The following HEMK2 variants were observed in gnomAD, a reference collection of about 807,000 sequenced individuals.
HEMK2 encodes methyltransferase HEMK2.
chr21:28,579,035 A>G, the HEMK2 span, among the ~76,000 whole-genome samples: 1 of 152,208 alleles, frequency 6.6e-6, no homozygotes, highest in African/African-American at 2.4e-5. Flanking sequence ...AGGTTATCAG[A>G]TTCTATTGAA....
the HEMK2 span, among the ~76,000 whole-genome samples, chr21:28,605,590 T>C: frequency 1.3e-5 from 2 of 152,222 alleles, no homozygotes; most frequent in African/African-American, 4.8e-5. Context: ...TTGTTCAATA[T>C]GAAAACCATA....
At chr21:28,605,531 AAGTC>A in the HEMK2 span, among the ~76,000 whole-genome samples, 1 of 152,200 alleles carries the variant, frequency 6.6e-6, no homozygotes, top group Admixed American at 6.5e-5. Flanking sequence ...TTTTTTAACT[AAGTC>A]AGTTTTTCAG....
At chr21:28,854,646 T>TG in the HEMK2 span, among the ~76,000 whole-genome samples, 4 of 152,222 alleles carry the variant, frequency 2.6e-5, no homozygotes, top group East Asian at 7.7e-4. Context: ...CTGAAGAACT[T>TG]GGAGTCCAAT....
chr21:28,593,389 C>T, the HEMK2 span, among the ~76,000 whole-genome samples: 46 of 152,146 alleles, frequency 3.0e-4, no homozygotes, highest in African/African-American at 1.1e-3. Context: ...ATAAGATACT[C>T]AACCTGTATA....
the HEMK2 span, among the ~76,000 whole-genome samples, chr21:28,678,769 C>T: frequency 1.3e-5 from 2 of 152,158 alleles, no homozygotes; most frequent in African/African-American, 4.8e-5. Context: ...AATTTTCAAC[C>T]CAGAATTTCA....
chr21:28,804,877 C>A, the HEMK2 span, among the ~76,000 whole-genome samples: 2 of 152,182 alleles, frequency 1.3e-5, no homozygotes, highest in Non-Finnish European at 2.9e-5. Context: ...CTATTCTAGA[C>A]ACTTTGCATA....
At chr21:28,584,966 T>C in the HEMK2 span, among the ~76,000 whole-genome samples, 1 of 152,188 alleles carries the variant, frequency 6.6e-6, no homozygotes, top group Non-Finnish European at 1.5e-5. Flanking sequence ...CCATGAATAC[T>C]TGGCAGAAAC....
the HEMK2 span, among the ~76,000 whole-genome samples, chr21:28,620,147 A>G: frequency 3.7e-4 from 56 of 152,214 alleles, no homozygotes; most frequent in South Asian, 0.012. Flanking sequence ...AAGCTTTTTG[A>G]TGTGCTGCTG....
the HEMK2 span, among the ~76,000 whole-genome samples, chr21:28,758,512 C>G: frequency 6.6e-6 from 1 of 152,052 alleles, no homozygotes; most frequent in Admixed American, 6.6e-5. Flanking sequence ...AAAGGAAATC[C>G]GTGTGGCAGT....
At chr21:28,746,868 G>A in the HEMK2 span, among the ~76,000 whole-genome samples, 38 of 152,290 alleles carry the variant, frequency 2.5e-4, no homozygotes, top group African/African-American at 8.2e-4. Flanking sequence ...CAGCATGGAG[G>A]GCTTGATAAG....
At chr21:28,606,538 G>A in the HEMK2 span, among the ~76,000 whole-genome samples, 1 of 152,104 alleles carries the variant, frequency 6.6e-6, no homozygotes, top group African/African-American at 2.4e-5. Context: ...AAACTTGGTA[G>A]AAGCATTAAA....
chr21:28,780,636 C>T, the HEMK2 span, among the ~76,000 whole-genome samples: 1 of 152,190 alleles, frequency 6.6e-6, no homozygotes, highest in Non-Finnish European at 1.5e-5. Flanking sequence ...TTCATTCTAA[C>T]CTTGAGATTC....
the HEMK2 span, among the ~76,000 whole-genome samples, chr21:28,807,280 A>G: frequency 6.6e-6 from 1 of 152,140 alleles, no homozygotes; most frequent in South Asian, 2.1e-4. Flanking sequence ...ATCACCATCT[A>G]CTAAGTTATT....
At chr21:28,668,612 A>G in the HEMK2 span, among the ~76,000 whole-genome samples, 2 of 152,222 alleles carry the variant, frequency 1.3e-5, no homozygotes, top group Non-Finnish European at 2.9e-5. Flanking sequence ...ATAGCTATGT[A>G]ACAAGGAAGT....
At chr21:28,642,418 C>A in the HEMK2 span, among the ~76,000 whole-genome samples, 1 of 152,286 alleles carries the variant, frequency 6.6e-6, no homozygotes, top group South Asian at 2.1e-4. Context: ...TGGAAGCATC[C>A]GGTCACTCTT....
the HEMK2 span, among the ~76,000 whole-genome samples, chr21:28,657,191 G>T: frequency 3.5e-4 from 53 of 151,994 alleles, no homozygotes; most frequent in Non-Finnish European, 6.3e-4. Flanking sequence ...TAATTTAAAT[G>T]ACCAATTTCT....
the HEMK2 span, among the ~76,000 whole-genome samples, chr21:28,597,756 T>C: frequency 6.6e-6 from 1 of 152,124 alleles, no homozygotes; most frequent in Non-Finnish European, 1.5e-5. Flanking sequence ...GAAACAGTCA[T>C]AAGAGATGAA....
chr21:28,824,007 G>C, the HEMK2 span, among the ~76,000 whole-genome samples: 2 of 152,136 alleles, frequency 1.3e-5, no homozygotes, highest in African/African-American at 4.8e-5. Context: ...GGCTAAATTT[G>C]CATTTTTTTA....
At chr21:28,710,089 T>C in the HEMK2 span, among the ~76,000 whole-genome samples, 2 of 152,228 alleles carry the variant, frequency 1.3e-5, no homozygotes, top group African/African-American at 2.4e-5. Flanking sequence ...ATTTCTGTTT[T>C]ACCACATGAC....
Sources: allele counts gnomAD v4.1 joint callset (sites outside exome capture counted in the v4.1 genomes callset), GRCh38; gene constraint gnomAD v4.1.1; transcripts MANE v1.5; gene names NCBI Gene and HGNC (gene_info 2026-07-23, HGNC 2026-07-21).